Variants in INPP4B observed in about 807,000 individuals in gnomAD.
INPP4B encodes the protein inositol polyphosphate-4-phosphatase type II B.
INPP4B carries 55 observed loss-of-function variants against 122.5 expected under a neutral mutation model. The ratio of observed to expected loss-of-function variants is 0.45; its 90% CI spans 0.36 to 0.56. The LOEUF (loss-of-function observed/expected upper bound fraction) is 0.56. Among genes scored for constraint, INPP4B ranks in the 20% least tolerant of loss-of-function variants. The probability of loss-of-function intolerance (pLI) is 0.00; values close to 1 mark genes in which losing one functional copy is unlikely to be tolerated. For synonymous variants in INPP4B, 403 were observed against 388.7 expected (o/e 1.04, Z -0.43); for missense variants, 1,000 against 1,097.7 (o/e 0.91, Z 1.26).
chr4:142,317,256 C>T (rs1435201890), intron 7 of INPP4B: 2 of 342,084 alleles, frequency 5.8e-6, no homozygotes, highest in South Asian at 2.8e-5. Context: ...TTATGTGGAC[C>T]ATCAACAAAC....
At chr4:142,503,688 T>C (rs1431488694) in intron 2 of INPP4B, among the ~76,000 whole-genome samples, 1 of 152,046 alleles carries the variant, frequency 6.6e-6, no homozygotes, top group East Asian at 1.9e-4. Context: ...AGGTGCCTAA[T>C]CATAGCCAAT....
intron 7 of INPP4B, among the ~76,000 whole-genome samples, chr4:142,344,490 A>T (rs374836013): frequency 2.8e-4 from 42 of 152,154 alleles, no homozygotes; most frequent in Non-Finnish European, 4.7e-4. Flanking sequence ...TGACAGTGAT[A>T]TACTCCTATA....
At chr4:142,041,436 G>A (rs1309574977) in intron 25 of INPP4B, among the ~76,000 whole-genome samples, 1 of 152,030 alleles carries the variant, frequency 6.6e-6, no homozygotes, top group Non-Finnish European at 1.5e-5. Context: ...TGACCAACCT[G>A]GTGAAACCCC....
chr4:142,727,426 C>G (rs4690727), intron 1 of INPP4B, among the ~76,000 whole-genome samples: 116,389 of 152,182 alleles, frequency 0.76, 44,791 homozygotes, highest in East Asian at 0.84. Context: ...AACAAAAAGA[C>G]ATTCAAGAAA....
At chr4:142,723,737 T>G (rs1400007904) in intron 2 of INPP4B, among the ~76,000 whole-genome samples, 1 of 152,138 alleles carries the variant, frequency 6.6e-6, no homozygotes. Context: ...AAATAACACC[T>G]TCACTAGTAT....
chr4:142,375,769 T>C (rs1791611962), intron 7 of INPP4B, among the ~76,000 whole-genome samples: 1 of 151,954 alleles, frequency 6.6e-6, no homozygotes, highest in African/African-American at 2.4e-5. Context: ...GCATGTGAAC[T>C]AAAGGTCAAG....
intron 2 of INPP4B, among the ~76,000 whole-genome samples, chr4:142,707,840 G>C (rs1762640308): frequency 6.6e-6 from 1 of 152,230 alleles, no homozygotes; most frequent in African/African-American, 2.4e-5. Flanking sequence ...CTTTGGAACT[G>C]GGTAAGGGAC....
intron 7 of INPP4B, among the ~76,000 whole-genome samples, chr4:142,320,087 T>C (rs1376832918): frequency 1.3e-5 from 2 of 152,218 alleles, no homozygotes; most frequent in African/African-American, 4.8e-5. Flanking sequence ...ATTTTCTTGA[T>C]GGCTGTTCAC....
At chr4:142,120,322 T>C (rs750079196) in intron 21 of INPP4B, among the ~76,000 whole-genome samples, 16 of 152,114 alleles carry the variant, frequency 1.1e-4, no homozygotes, top group African/African-American at 2.4e-4. Context: ...CTGGGTCCTT[T>C]GCATTTACAT....
At chr4:142,822,808 T>G (rs1241028168) in intron 1 of INPP4B, among the ~76,000 whole-genome samples, 2 of 152,148 alleles carry the variant, frequency 1.3e-5, no homozygotes, top group Non-Finnish European at 2.9e-5. Flanking sequence ...CTTAGCCTAG[T>G]CTTACAATTT....
chr4:142,162,071 G>A (rs1398884775), intron 16 of INPP4B, among the ~76,000 whole-genome samples: 2 of 151,648 alleles, frequency 1.3e-5, no homozygotes, highest in Non-Finnish European at 2.9e-5. Flanking sequence ...TGCCTATAAT[G>A]CCTGTGTAAC....
At chr4:142,092,629 CCT>C (rs1303476041) in intron 23 of INPP4B, among the ~76,000 whole-genome samples, 1 of 152,130 alleles carries the variant, frequency 6.6e-6, no homozygotes, top group African/African-American at 2.4e-5. Context: ...CTGAACCAAC[CCT>C]CTCTTGAAAC....
At chr4:142,077,442 G>A (rs1191738997) in intron 25 of INPP4B, among the ~76,000 whole-genome samples, 1 of 151,798 alleles carries the variant, frequency 6.6e-6, no homozygotes, top group Admixed American at 6.6e-5. Flanking sequence ...CTTTATAGAG[G>A]CATTAAATTT....
chr4:142,653,967 AC>A (rs1473190289), intron 2 of INPP4B, among the ~76,000 whole-genome samples: 1 of 152,144 alleles, frequency 6.6e-6, no homozygotes, highest in African/African-American at 2.4e-5. Flanking sequence ...CTTGGAACCA[AC>A]CCAAATGTCC....
chr4:142,426,650 G>A (rs1297538220), intron 5 of INPP4B: 2 of 151,902 alleles, frequency 1.3e-5, no homozygotes, highest in Non-Finnish European at 2.9e-5. Context: ...ATTTGAATAA[G>A]TAAGGAACTT....
At chr4:142,412,767 C>T (rs958802871) in intron 5 of INPP4B, among the ~76,000 whole-genome samples, 3 of 152,026 alleles carry the variant, frequency 2.0e-5, no homozygotes, top group Non-Finnish European at 2.9e-5. Flanking sequence ...TATTTTCAAT[C>T]GGGCAAGCCT....
At chr4:142,175,884 T>C (rs1451988320) in intron 15 of INPP4B, among the ~76,000 whole-genome samples, 2 of 152,094 alleles carry the variant, frequency 1.3e-5, no homozygotes, top group African/African-American at 4.8e-5. Context: ...CAACTTTTGA[T>C]ACCCAGCAGC....
In INPP4B at chr4:142,314,790, C is replaced by T. The variant is rs112627932; in HGVS notation, c.373-28G>A. On this transcript the variant is annotated intron_variant, in intron 7 of 25. Transcript: ENST00000262992. Reference sequence around the variant, plus strand: ...GTGGAGAAAAACATTTTCTGTAAGACTTTGGAGTAGAAACTAGTGCAGAAG... The same window carrying T: ...GTGGAGAAAAACATTTTCTGTAAGATTTTGGAGTAGAAACTAGTGCAGAAG... The T allele has an allele frequency of 3.9e-5, 61 of 1,582,622 alleles. 2 individuals are homozygous for T. The highest frequency in any genetic ancestry group is 2.7e-4 in the African/African-American group (20 of 73,672).
chr4:142,519,286 C>A (rs1280693010), intron 2 of INPP4B, among the ~76,000 whole-genome samples: 1 of 152,108 alleles, frequency 6.6e-6, no homozygotes, highest in African/African-American at 2.4e-5. Context: ...TTTCCTCATA[C>A]AAGAAATTAT....
Sources: gnomAD v4.1 joint callset for allele counts (sites outside exome capture counted in the v4.1 genomes callset) on GRCh38, gnomAD v4.1.1 for gene constraint, MANE v1.5 for transcripts, NCBI Gene and HGNC (gene_info 2026-07-23, HGNC 2026-07-21) for gene names.